Variants in MICU1 observed in about 807,000 individuals in gnomAD.
The protein encoded by MICU1 is mitochondrial calcium uptake 1.
Under a neutral mutation model 56.8 loss-of-function variants are expected in MICU1, and 45 were observed. That is an observed-to-expected ratio of 0.79 (90% CI 0.62 to 1.02). The LOEUF (loss-of-function observed/expected upper bound fraction) is 1.02, where lower values mean the gene tolerates loss of function less well. Among genes scored for constraint, MICU1 ranks in the 50% least tolerant of loss-of-function variants. The pLI, the probability that MICU1 is intolerant of heterozygous loss-of-function variation, is 0.00. For synonymous variants in MICU1, 186 were observed against 195.1 expected (o/e 0.95, Z 0.39); for missense variants, 504 against 587.1 (o/e 0.86, Z 1.46).
At chr10:72,458,816 T>G (rs1054592183) in intron 8 of MICU1, among the ~76,000 whole-genome samples, 2 of 150,866 alleles carry the variant, frequency 1.3e-5, no homozygotes, top group African/African-American at 4.9e-5. Flanking sequence ...ACTCAATTGA[T>G]CCAACCACCT....
intron 3 of MICU1, among the ~76,000 whole-genome samples, chr10:72,553,042 T>G (rs1322892557): frequency 6.6e-6 from 1 of 152,180 alleles, no homozygotes; most frequent in African/African-American, 2.4e-5. Context: ...ATTTTTTCAA[T>G]GCTAACTTGT....
At chr10:72,515,147 C>T (rs1461045917) in intron 5 of MICU1, among the ~76,000 whole-genome samples, 1 of 152,144 alleles carries the variant, frequency 6.6e-6, no homozygotes, top group Non-Finnish European at 1.5e-5. Flanking sequence ...GGAACATGGG[C>T]CGCCATCCTT....
At chr10:72,459,966 C>T (rs978070827) in intron 8 of MICU1, among the ~76,000 whole-genome samples, 36 of 152,184 alleles carry the variant, frequency 2.4e-4, no homozygotes, top group African/African-American at 8.7e-4. Context: ...TTTTCTCTCT[C>T]CCCTTTCCTA....
chr10:72,402,896 T>A (rs750775895), intron 10 of MICU1, among the ~76,000 whole-genome samples: 50 of 151,790 alleles, frequency 3.3e-4, no homozygotes, highest in Non-Finnish European at 3.8e-4. Context: ...ATAAAAAAAA[T>A]TTGCCAGGCG....
At chr10:72,447,643 C>T (rs943768157) in intron 8 of MICU1, among the ~76,000 whole-genome samples, 4 of 151,354 alleles carry the variant, frequency 2.6e-5, no homozygotes, top group Admixed American at 6.6e-5. Flanking sequence ...ATGCAATATA[C>T]GAAAAAATCA....
chr10:72,397,874 T>C (rs999855052), intron 10 of MICU1, among the ~76,000 whole-genome samples: 4 of 152,164 alleles, frequency 2.6e-5, no homozygotes, highest in Non-Finnish European at 4.4e-5. Flanking sequence ...GACAGATCAA[T>C]GAGACAGAAT....
rs1466380512 is a variant in MICU1, at chr10:72,532,984, T to C, written c.537+762A>G. On this transcript the variant is annotated intron_variant, in intron 5 of 11. Coordinates refer to ENST00000361114, the MANE Select transcript of MICU1 (RefSeq NM_001195518.2). ...ACCTCTCCCCATCTAGACCCTCTTT[T>C]GTGATCCTGCCTTTTCCAGCCACTC... The C allele has an allele frequency of 4.2e-5, 54 of 1,283,746 alleles. No homozygotes were observed. The Admixed American group carries it at 1.2e-3, about 30-fold the overall frequency. The allele number at this position is 1,283,746 out of a possible 1,614,324, so 79.5% of individuals were successfully genotyped here.
intron 6 of MICU1, among the ~76,000 whole-genome samples, chr10:72,495,655 CA>C (rs758909513): frequency 0.033 from 2,832 of 85,442 alleles, 49 homozygotes; most frequent in African/African-American, 0.11. Context: ...ACCTCTGTCT[CA>C]AAAAAAAAAA....
intron 9 of MICU1, among the ~76,000 whole-genome samples, chr10:72,417,793 G>C (rs1427971438): frequency 6.6e-6 from 1 of 152,196 alleles, no homozygotes; most frequent in East Asian, 1.9e-4. Flanking sequence ...CACTGATGGA[G>C]CATTGCATCT....
chr10:72,596,568 A>C (rs1475933668), intron 1 of MICU1, among the ~76,000 whole-genome samples: 22 of 152,190 alleles, frequency 1.4e-4, no homozygotes, highest in Admixed American at 1.4e-3. Flanking sequence ...GAATTCAAAA[A>C]CAAACAAAAA....
intron 8 of MICU1, among the ~76,000 whole-genome samples, chr10:72,444,161 G>C (rs1375671918): frequency 7.0e-6 from 1 of 143,764 alleles, no homozygotes; most frequent in Admixed American, 7.3e-5. Flanking sequence ...TCATAGGTGG[G>C]AATTGAACAA....
intron 1 of MICU1, among the ~76,000 whole-genome samples, chr10:72,597,153 C>T (rs1377843499): frequency 6.6e-5 from 10 of 152,070 alleles, no homozygotes; most frequent in Admixed American, 2.0e-4. Context: ...TGGCATTTTC[C>T]GTTTATAAAC....
intron 8 of MICU1, among the ~76,000 whole-genome samples, chr10:72,437,268 A>G (rs1864763474): frequency 1.3e-5 from 2 of 152,138 alleles, no homozygotes; most frequent in East Asian, 1.9e-4. Flanking sequence ...AAAGAATTTA[A>G]CCCAGAATTT....
chr10:72,378,999 G>A lies in MICU1; in HGVS notation c.1181-3127C>T, dbSNP rs560052471. Reference sequence around the variant, plus strand: ...TTGGTACTAAAAGACTGAAGTATAAGATATTGTGGTGGATATTCATGAGAT... The same window carrying A: ...TTGGTACTAAAAGACTGAAGTATAAAATATTGTGGTGGATATTCATGAGAT... On this transcript the variant is annotated intron_variant, in intron 10 of 11. Coordinates refer to ENST00000361114, the MANE Select transcript of MICU1 (RefSeq NM_001195518.2). Among the ~76,000 whole-genome samples, 464 of 152,294 alleles carry A rather than the reference G, an allele frequency of 3.0e-3. 3 individuals are homozygous for A. The highest frequency in any genetic ancestry group is 0.011 in the African/African-American group (440 of 41,558).
At chr10:72,511,636 T>C (rs1425682560) in intron 5 of MICU1, among the ~76,000 whole-genome samples, 3 of 152,226 alleles carry the variant, frequency 2.0e-5, no homozygotes, top group African/African-American at 7.2e-5. Flanking sequence ...TGGGTCATTA[T>C]TGCATACACA....
At chr10:72,539,745 TAG>T in intron 4 of MICU1, among the ~76,000 whole-genome samples, 1 of 152,024 alleles carries the variant, frequency 6.6e-6, no homozygotes. Flanking sequence ...ATCAAGCAGA[TAG>T]AGAGTAGAAA....
intron 1 of MICU1, among the ~76,000 whole-genome samples, chr10:72,577,320 A>C (rs1365566882): frequency 6.6e-6 from 1 of 151,612 alleles, no homozygotes; most frequent in Non-Finnish European, 1.5e-5. Flanking sequence ...GACCAGCCTG[A>C]CCAACATGGA....
chr10:72,612,535 G>A (rs968110295), intron 1 of MICU1, among the ~76,000 whole-genome samples: 1 of 152,126 alleles, frequency 6.6e-6, no homozygotes, highest in African/African-American at 2.4e-5. Context: ...AGTGGCTCCT[G>A]CCTATAATCC....
chr10:72,586,611 C>T (rs1765076755), intron 1 of MICU1, among the ~76,000 whole-genome samples: 1 of 151,148 alleles, frequency 6.6e-6, no homozygotes, highest in African/African-American at 2.4e-5. Context: ...AAGATCGTGC[C>T]ACTGTACTCC....
Sources: gnomAD v4.1 joint callset for allele counts (sites outside exome capture counted in the v4.1 genomes callset) on GRCh38, gnomAD v4.1.1 for gene constraint, MANE v1.5 for transcripts, NCBI Gene and HGNC (gene_info 2026-07-23, HGNC 2026-07-21) for gene names.